SNX29: variants seen among roughly 807,000 people sequenced by gnomAD.
The protein encoded by SNX29 is sorting nexin-29.
A neutral mutation model predicts 102.1 loss-of-function variants in SNX29; 78 were observed. The ratio of observed to expected loss-of-function variants is 0.76; its 90% CI spans 0.64 to 0.92. SNX29 has a LOEUF of 0.92. Among genes scored for constraint, SNX29 ranks in the 40% least tolerant of loss-of-function variants. SNX29 has a pLI of 0.00. For synonymous variants in SNX29, 580 were observed against 414.5 expected, an observed-to-expected ratio of 1.40 and a Z score of -4.85; for missense variants, 1,280 against 1,061.7, an observed-to-expected ratio of 1.21 and a Z score of -2.86.
chr16:12,122,004 C>T (rs368319474), intron 11 of SNX29, among the ~76,000 whole-genome samples: 6 of 152,172 alleles, frequency 3.9e-5, no homozygotes, highest in East Asian at 3.9e-4. Context: ...TTAGTAGAGA[C>T]GGGATTTCAC....
chr16:12,100,381 G>C (rs1407329110), intron 11 of SNX29, among the ~76,000 whole-genome samples: 3 of 152,176 alleles, frequency 2.0e-5, no homozygotes, highest in African/African-American at 7.2e-5. Flanking sequence ...ACAGTGCCCA[G>C]CGTCCTCCAG....
intron 20 of SNX29, among the ~76,000 whole-genome samples, chr16:12,555,155 C>T (rs184054442): frequency 4.0e-5 from 6 of 151,848 alleles, no homozygotes; most frequent in Admixed American, 3.9e-4. Context: ...CCAGGAGTGA[C>T]AGGGTCTGGC....
chr16:12,089,685 A>C (rs1332542615), intron 11 of SNX29: 1 of 198,060 alleles, frequency 5.0e-6, no homozygotes, highest in African/African-American at 2.4e-5. Flanking sequence ...AGGATGCTGG[A>C]GAGGGTGGCT....
chr16:12,417,755 C>G (rs2084701593), intron 18 of SNX29, among the ~76,000 whole-genome samples: 1 of 152,062 alleles, frequency 6.6e-6, no homozygotes, highest in Non-Finnish European at 1.5e-5. Context: ...CCTCACCCTC[C>G]TCACCCTTTC....
chr16:12,555,247 G>A (rs554961533), intron 20 of SNX29, among the ~76,000 whole-genome samples: 20 of 151,738 alleles, frequency 1.3e-4, no homozygotes, highest in African/African-American at 4.6e-4. Flanking sequence ...GGTGAGAGAT[G>A]AGGGTGCTCA....
intron 11 of SNX29, among the ~76,000 whole-genome samples, chr16:12,092,126 C>G (rs2052579012): frequency 6.6e-6 from 1 of 152,188 alleles, no homozygotes; most frequent in African/African-American, 2.4e-5. Flanking sequence ...CTTCAGGTTT[C>G]AGAGCCCCCT....
chr16:12,561,637 AAG>A (rs2078729767), intron 20 of SNX29, among the ~76,000 whole-genome samples: 2 of 152,016 alleles, frequency 1.3e-5, no homozygotes, highest in African/African-American at 4.8e-5. Flanking sequence ...GCTTATTAAA[AAG>A]AACAGCCACT....
intron 18 of SNX29, among the ~76,000 whole-genome samples, chr16:12,449,492 C>G (rs1261825130): frequency 1.3e-5 from 2 of 152,040 alleles, no homozygotes; most frequent in Non-Finnish European, 2.9e-5. Context: ...TGACAGAAAA[C>G]CCAAACCAAA....
rs1438483394 is a variant in SNX29, at chr16:12,571,179, G to A, written c.*2550G>A. 1 of 232,370 alleles carries A rather than the reference G, an allele frequency of 4.3e-6. No individual in the cohort carries two copies. Among genetic ancestry groups the A allele is most frequent in the Non-Finnish European group, 8.5e-6 (1 of 117,572 alleles). The allele number at this position is 232,370 out of a possible 1,614,324, so 14.4% of individuals were successfully genotyped here. A position where few individuals can be genotyped will look rare whatever the true frequency, so the allele number is the denominator to read the frequency against. ...AGAATCCCGTCCTGCTCTCTAGTGT[G>A]GTGGGATGAACTTCAGGCAACAAAC... is the stretch of plus-strand genomic sequence containing the variant. On this transcript the variant is annotated 3_prime_UTR_variant, in exon 21 of 21. Coordinates refer to ENST00000566228, the MANE Select transcript of SNX29 (RefSeq NM_032167.5).
chr16:12,467,596 ATTCGTTTG>A (rs886613437), intron 18 of SNX29, among the ~76,000 whole-genome samples: 12 of 148,838 alleles, frequency 8.1e-5, no homozygotes, highest in South Asian at 2.1e-4. Context: ...CTGTTCGTTC[ATTCGTTTG>A]TTCGTTTGTT....
chr16:12,103,326 A>G (rs2053096086), intron 11 of SNX29, among the ~76,000 whole-genome samples: 1 of 152,236 alleles, frequency 6.6e-6, no homozygotes, highest in Admixed American at 6.5e-5. Flanking sequence ...TACAGTAACC[A>G]AAGCAGCATG....
chr16:12,127,522 A>G (rs1029410591), intron 12 of SNX29, among the ~76,000 whole-genome samples: 1 of 151,272 alleles, frequency 6.6e-6, no homozygotes, highest in Non-Finnish European at 1.5e-5. Flanking sequence ...CCCGGGCTCA[A>G]GTGATCCTCC....
At chr16:12,009,491 A>G (rs998827580) in intron 3 of SNX29, among the ~76,000 whole-genome samples, 2 of 151,652 alleles carry the variant, frequency 1.3e-5, no homozygotes, top group Non-Finnish European at 2.9e-5. Flanking sequence ...ATATATATAT[A>G]TGTATATTTG....
At chr16:12,512,675 G>C (rs2089684600) in intron 19 of SNX29, among the ~76,000 whole-genome samples, 2 of 152,110 alleles carry the variant, frequency 1.3e-5, no homozygotes, top group South Asian at 4.2e-4. Context: ...ATGGGTGCCT[G>C]ATGGAGGCTG....
chr16:12,346,482 C>T (rs1226649833), intron 15 of SNX29, among the ~76,000 whole-genome samples: 3 of 152,114 alleles, frequency 2.0e-5, no homozygotes, highest in African/African-American at 7.2e-5. Flanking sequence ...TGCCCAAAGT[C>T]ACATCTAGGG....
At chr16:12,240,275 CTG>C (rs2078062025) in intron 14 of SNX29, among the ~76,000 whole-genome samples, 1 of 152,194 alleles carries the variant, frequency 6.6e-6, no homozygotes, top group Non-Finnish European at 1.5e-5. Flanking sequence ...TTGGCAAAGA[CTG>C]TCAACATGCT....
intron 20 of SNX29, among the ~76,000 whole-genome samples, chr16:12,562,280 C>T (rs138969247): frequency 9.9e-5 from 15 of 152,194 alleles, no homozygotes; most frequent in Non-Finnish European, 1.9e-4. Context: ...GGGCCACGCT[C>T]TATCCCAGCA....
chr16:12,106,156 A>G lies in SNX29; in HGVS notation c.1403-20477A>G, dbSNP rs1280027106. ...TAGAAACTTGGCTTCTGTGAGTTTC[A>G]TCTGCTCACCCCTGCCCTGTGTGGG... is the stretch of plus-strand genomic sequence containing the variant. On this transcript the variant is annotated intron_variant, in intron 11 of 20. Coordinates refer to ENST00000566228, the MANE Select transcript of SNX29 (RefSeq NM_032167.5). 2.6e-5 allele frequency among the ~76,000 whole-genome samples: 4 copies of G among 152,244 alleles called. No individual in the cohort carries two copies. In the East Asian group the frequency reaches 5.8e-4, roughly 22 times the overall value.
intron 18 of SNX29, among the ~76,000 whole-genome samples, chr16:12,447,081 C>T (rs1267711413): frequency 2.3e-5 from 3 of 131,846 alleles, no homozygotes; most frequent in African/African-American, 5.7e-5. Context: ...GCAGCAGAAT[C>T]ACTTGAAGTT....
Sources: allele counts gnomAD v4.1 joint callset (sites outside exome capture counted in the v4.1 genomes callset), GRCh38; gene constraint gnomAD v4.1.1; transcripts MANE v1.5; gene names NCBI Gene and HGNC (gene_info 2026-07-23, HGNC 2026-07-21).